Variants in BLTP3B observed in about 807,000 individuals in gnomAD.
BLTP3B encodes UHRF1 (ICBP90) binding protein 1-like.
At chr12:100,070,585 A>AGTGGGT in the BLTP3B span, among the ~76,000 whole-genome samples, 1 of 152,232 alleles carries the variant, frequency 6.6e-6, no homozygotes, top group Non-Finnish European at 1.5e-5. Flanking sequence ...CAAACTAGGA[A>AGTGGGT]TAAAGCAATA....
At chr12:100,083,286 T>C in the BLTP3B span, 2 of 583,888 alleles carry the variant, frequency 3.4e-6, no homozygotes, top group Admixed American at 3.1e-5. Flanking sequence ...TATAAAGTAA[T>C]ACAGGATGTA....
At chr12:100,139,654 A>G in the BLTP3B span, among the ~76,000 whole-genome samples, 3 of 152,326 alleles carry the variant, frequency 2.0e-5, no homozygotes, top group South Asian at 6.2e-4. Context: ...GTCTTGCCTC[A>G]GTAAAAAAAA....
the BLTP3B span, among the ~76,000 whole-genome samples, chr12:100,040,247 T>C: frequency 6.6e-6 from 1 of 152,116 alleles, no homozygotes; most frequent in Non-Finnish European, 1.5e-5. Context: ...TTAGATAACT[T>C]AGGGCAGGCA....
the BLTP3B span, among the ~76,000 whole-genome samples, chr12:100,123,184 C>T: frequency 2.6e-5 from 4 of 152,294 alleles, no homozygotes; most frequent in East Asian, 1.9e-4. Flanking sequence ...AGGTATTGTA[C>T]ATTCAACAAA....
the BLTP3B span, among the ~76,000 whole-genome samples, chr12:100,040,073 G>A: frequency 2.6e-5 from 4 of 152,058 alleles, no homozygotes; most frequent in Non-Finnish European, 5.9e-5. Flanking sequence ...CGATTTAATA[G>A]ATTTAATTTA....
chr12:100,117,098 T>G, the BLTP3B span, among the ~76,000 whole-genome samples: 1 of 151,994 alleles, frequency 6.6e-6, no homozygotes. Flanking sequence ...TTGGAGAAAA[T>G]AGAGAAATCT....
the BLTP3B span, among the ~76,000 whole-genome samples, chr12:100,121,025 A>T: frequency 6.6e-6 from 1 of 152,226 alleles, no homozygotes; most frequent in Non-Finnish European, 1.5e-5. Context: ...GAAGCCAGGA[A>T]AAAATGCATA....
At chr12:100,070,052 A>C in the BLTP3B span, 2 of 1,396,290 alleles carry the variant, frequency 1.4e-6, no homozygotes, top group Non-Finnish European at 9.4e-7. Context: ...AAAAACAATG[A>C]ATTTAGATTT....
the BLTP3B span, among the ~76,000 whole-genome samples, chr12:100,074,593 CAAA>C: frequency 2.9e-5 from 2 of 69,652 alleles, no homozygotes; most frequent in Non-Finnish European, 6.1e-5. Context: ...GACTCTGTTT[CAAA>C]AAAAAAAAAA....
the BLTP3B span, chr12:100,072,803 G>A: frequency 2.1e-5 from 33 of 1,590,628 alleles, no homozygotes; most frequent in Non-Finnish European, 2.6e-5. Context: ...ACATTGTTCC[G>A]CTGTAGAGAC....
the BLTP3B span, among the ~76,000 whole-genome samples, chr12:100,097,777 C>T: frequency 1.3e-5 from 2 of 151,990 alleles, no homozygotes; most frequent in Non-Finnish European, 2.9e-5. Context: ...AATCACGTTA[C>T]CAAGAAACAA....
At chr12:100,062,034 A>G in the BLTP3B span, among the ~76,000 whole-genome samples, 3 of 152,186 alleles carry the variant, frequency 2.0e-5, no homozygotes, top group South Asian at 6.2e-4. Context: ...AGAACCGAAC[A>G]GGAGGGACAT....
At chr12:100,123,407 CAAT>C in the BLTP3B span, among the ~76,000 whole-genome samples, 1 of 152,148 alleles carries the variant, frequency 6.6e-6, no homozygotes, top group African/African-American at 2.4e-5. Flanking sequence ...GCTCACACAA[CAAT>C]AATCATCAAC....
At chr12:100,075,910 G>A in the BLTP3B span, among the ~76,000 whole-genome samples, 1,190 of 152,086 alleles carry the variant, frequency 7.8e-3, 13 homozygotes, top group African/African-American at 0.027. Flanking sequence ...TGTTGGGTAC[G>A]CATGGAGACA....
chr12:100,039,800 A>C, the BLTP3B span: 1 of 1,603,118 alleles, frequency 6.2e-7, no homozygotes, highest in East Asian at 2.2e-5. Context: ...CTGATCAAAC[A>C]AATAACATGC....
chr12:100,047,739 G>C, the BLTP3B span: 1 of 1,080,910 alleles, frequency 9.3e-7, no homozygotes, highest in Non-Finnish European at 1.4e-6. Context: ...AGCTGATATA[G>C]CGAGAAAACT....
the BLTP3B span, among the ~76,000 whole-genome samples, chr12:100,105,823 A>G: frequency 3.0e-4 from 46 of 152,276 alleles, 1 homozygote; most frequent in African/African-American, 1.0e-3. Context: ...ACAAAGGACT[A>G]ATATTCAGAA....
chr12:100,139,893 G>A, the BLTP3B span, among the ~76,000 whole-genome samples: 5 of 152,172 alleles, frequency 3.3e-5, no homozygotes, highest in Non-Finnish European at 7.3e-5. Context: ...CAATATGGGG[G>A]CTCACAATTT....
chr12:100,125,507 G>A, the BLTP3B span, among the ~76,000 whole-genome samples: 32 of 152,100 alleles, frequency 2.1e-4, no homozygotes, highest in Non-Finnish European at 3.8e-4. Flanking sequence ...AACATTAGCC[G>A]AGCATGGTGG....
Sources: allele counts gnomAD v4.1 joint callset (sites outside exome capture counted in the v4.1 genomes callset), GRCh38; gene constraint gnomAD v4.1.1; transcripts MANE v1.5; gene names NCBI Gene and HGNC (gene_info 2026-07-23, HGNC 2026-07-21).